MYO19: variants seen among roughly 807,000 people sequenced by gnomAD.
MYO19 encodes unconventional myosin-XIX.
MYO19 carries 132 observed loss-of-function variants against 129.2 expected under a neutral mutation model. The observed-to-expected ratio is 1.02, with a 90% CI of 0.89 to 1.18. MYO19 has a LOEUF of 1.18. MYO19 is among the 50% of genes most tolerant of loss of function. The pLI, the probability that MYO19 is intolerant of heterozygous loss-of-function variation, is 0.00. For synonymous variants in MYO19, 531 were observed against 477.2 expected (o/e 1.11, Z -1.47); for missense variants, 1,210 against 1,216.7 (o/e 0.99, Z 0.08).
At chr17:36,497,231 G>A (rs1467019736) in intron 25 of MYO19, among the ~76,000 whole-genome samples, 2 of 151,728 alleles carry the variant, frequency 1.3e-5, no homozygotes, top group African/African-American at 4.8e-5. Flanking sequence ...CCAGCTATTC[G>A]GGAGGCTGAG....
Position 36,513,526 on chromosome 17 carries a change from G to A in MYO19, c.818-21C>T, listed in dbSNP as rs370001960. 2.5e-5 allele frequency: 40 copies of A among 1,613,702 alleles called. No homozygotes were observed. The Admixed American group carries it at 4.5e-4, about 18-fold the overall frequency. ...ATCCTCTGAAAAAGAATCCAAGTTC[G>A]GGGCAGAGGTCAGCAGCAGCAAGAT... On this transcript the variant is annotated intron_variant, in intron 10 of 25. Transcript: ENST00000614623.
chr17:36,530,200 T>C (rs1248804992), intron 3 of MYO19, among the ~76,000 whole-genome samples: 2 of 152,186 alleles, frequency 1.3e-5, no homozygotes, highest in Non-Finnish European at 2.9e-5. Flanking sequence ...TAACCCCAGC[T>C]ATTCTAGAGG....
intron 20 of MYO19, 119 bp from the exon 21 acceptor site, chr17:36,503,319 C>A (rs1458437522): frequency 2.5e-6 from 2 of 793,118 alleles, no homozygotes; most frequent in African/African-American, 1.7e-5. Context: ...CGGTGCTGCC[C>A]TCCCCGAGTA....
chr17:36,527,569 A>G lies in MYO19; in HGVS notation c.282T>C (p.His94=). The change falls in exon 5 of 26, where the codon CAT becomes CAC. Residue 94 remains histidine (H), a synonymous_variant. Coordinates refer to ENST00000614623, the MANE Select transcript of MYO19 (RefSeq NM_001163735.2). ...GCCTTACCTGGGGCTGAGGCGCAGC[A>G]TGGTACTCTCTCATTAGCTCGGGCG... is the stretch of plus-strand genomic sequence containing the variant. ...LYSPELMREY[H]AAPQPQKLKP... is the part of the protein sequence containing the mutation. The G allele has an allele frequency of 6.2e-7, 1 of 1,613,916 alleles. No homozygotes were observed. Among genetic ancestry groups the G allele is most frequent in the Non-Finnish European group, 8.5e-7 (1 of 1,179,846 alleles).
chr17:36,543,390 A>C (rs2142637993), exon 1 of MYO19: 1 of 152,276 alleles, frequency 6.6e-6, no homozygotes, highest in Admixed American at 6.5e-5. Context: ...CCTGACCTCA[A>C]GTAATCCACC....
At chr17:36,511,800 GC>G (rs2142038366) in intron 11 of MYO19, among the ~76,000 whole-genome samples, 1 of 152,252 alleles carries the variant, frequency 6.6e-6, no homozygotes, top group East Asian at 1.9e-4. Context: ...CTACATTTCT[GC>G]CCCCTGCTCT....
chr17:36,540,918 GAGGAGTA>G (rs2074194216), intron 2 of MYO19, among the ~76,000 whole-genome samples: 2 of 152,170 alleles, frequency 1.3e-5, no homozygotes, highest in African/African-American at 4.8e-5. Flanking sequence ...ATAACAAAGT[GAGGAGTA>G]AGAAGAACAT....
intron 18 of MYO19, among the ~76,000 whole-genome samples, chr17:36,505,798 T>C (rs1365603336): frequency 6.6e-6 from 1 of 152,246 alleles, no homozygotes; most frequent in Admixed American, 6.5e-5. Context: ...TGTTGGAGGC[T>C]GTGCCACAGG....
In MYO19 at chr17:36,507,429, G is replaced by A. The variant is rs370889247; in HGVS notation, c.1437C>T (p.Ser479=). Residue 479 remains serine, a synonymous_variant, in exon 16 of 26, where the codon AGC becomes AGT. Coordinates refer to ENST00000614623, the MANE Select transcript of MYO19 (RefSeq NM_001163735.2). ...TTATGAGGGAGCAGATGCTGATGGGGCTTCCCTCAATGAGATCCAAACAGG... is the reference window on the plus strand; with the variant it reads ...TTATGAGGGAGCAGATGCTGATGGGACTTCCCTCAATGAGATCCAAACAGG... ...NQPCLDLIEG[S]PISICSLINE... 3.9e-5 allele frequency: 63 copies of A among 1,613,638 alleles called. 1 individual carries two copies. In the African/African-American group the frequency reaches 7.7e-4, roughly 20 times the overall value.
chr17:36,531,123 G>C (rs549064806), intron 3 of MYO19, among the ~76,000 whole-genome samples: 5 of 151,748 alleles, frequency 3.3e-5, no homozygotes, highest in South Asian at 2.1e-4. Flanking sequence ...GGCTGGGCGC[G>C]GTGGCTCACG....
At position 36,513,600 on chromosome 17, in the gene MYO19, C is replaced by T. The variant is rs73276787; in HGVS notation, c.817+29G>A. 4.8e-4 allele frequency: 768 copies of T among 1,613,718 alleles called. 5 individuals are homozygous for T. The African/African-American group carries it at 9.1e-3, about 19-fold the overall frequency. Reference sequence around the variant, plus strand: ...GAGTGGGTGGGTGATGCTGGGTCAGCGCAAGGTGCTGGATGGGGCTCCCCT... The same window carrying T: ...GAGTGGGTGGGTGATGCTGGGTCAGTGCAAGGTGCTGGATGGGGCTCCCCT... On this transcript the variant is annotated intron_variant, in intron 10 of 25. Transcript: ENST00000614623.
chr17:36,507,139 C>A lies in MYO19; in HGVS notation c.1468G>T (p.Glu490Ter). The change falls in exon 17 of 26, where the codon GAA becomes TAA. Residue 490 changes from glutamate to a stop codon, truncating the protein, a stop_gained and splice_region_variant. Coordinates refer to ENST00000614623, the MANE Select transcript of MYO19 (RefSeq NM_001163735.2). LOFTEE classifies it high-confidence loss of function. ...PISICSLINE[E>*]CRLNRPSSAA... ...CTGCTGGGTCGATTGAGGCGGCATT[C>A]CTGTGGGATGGGAACAGGGGGTCAG... 6.3e-7 allele frequency: 1 copy of A among 1,599,174 alleles called. No homozygotes were observed. Among genetic ancestry groups the A allele is most frequent in the Non-Finnish European group, 8.6e-7 (1 of 1,168,758 alleles).
At chr17:36,511,570 G>A (rs1041843520) in intron 11 of MYO19, 115 bp from the exon 12 acceptor site, 24 of 877,578 alleles carry the variant, frequency 2.7e-5, no homozygotes, top group African/African-American at 5.6e-5. Context: ...TCCCAATCAT[G>A]GCCCAAGTGC....
chr17:36,497,708 C>T (rs1302064600), intron 25 of MYO19: 1 of 233,302 alleles, frequency 4.3e-6, no homozygotes, highest in African/African-American at 2.3e-5. Context: ...CCTCAGCCTC[C>T]CGAGCAGCTG....
chr17:36,497,986 A>G (rs2071155606), intron 25 of MYO19: 1 of 447,372 alleles, frequency 2.2e-6, no homozygotes, highest in South Asian at 4.0e-5. Flanking sequence ...GCTTGCTAGA[A>G]ACGCAGCATT....
Position 36,518,799 on chromosome 17 carries a change from CAGAT to C in MYO19, c.415-2813_415-2810del, listed in dbSNP as rs1205156824. ...AGGCATAGTGAGATAGATAGATAGACAGATAGATAGATTTTTTTTCTTTATAGTA... is the reference window on the plus strand; with the variant it reads ...AGGCATAGTGAGATAGATAGATAGACAGATAGATTTTTTTTCTTTATAGTA... On this transcript the variant is annotated intron_variant, in intron 6 of 25. Transcript: ENST00000614623. Among the ~76,000 whole-genome samples, 156 of 151,208 alleles carry C rather than the reference CAGAT, an allele frequency of 1.0e-3. 1 individual carries two copies. The highest frequency in any genetic ancestry group is 8.1e-3 in the South Asian group (39 of 4,808).
In MYO19 at chr17:36,495,668, G is replaced by A; in HGVS notation, c.*583C>T. The A allele has an allele frequency of 1.6e-6, 2 of 1,279,996 alleles. No individual in the cohort carries two copies. The highest frequency in any genetic ancestry group is 2.0e-6 in the Non-Finnish European group (2 of 1,016,550). 79.3% of individuals were successfully genotyped at this position (1,279,996 alleles called of 1,614,324 possible). On this transcript the variant is annotated 3_prime_UTR_variant, in exon 26 of 26. Coordinates refer to ENST00000614623, the MANE Select transcript of MYO19 (RefSeq NM_001163735.2). ...TAAATGTTTTACTTTTGGTACAGTTGATAGACATCATAAACGATATCAAGC... is the reference window on the plus strand; with the variant it reads ...TAAATGTTTTACTTTTGGTACAGTTAATAGACATCATAAACGATATCAAGC...
In MYO19 at chr17:36,505,312, G is replaced by C. The variant is rs371268555; in HGVS notation, c.1890C>G (p.Thr630=). Residue 630 remains threonine (T), a synonymous_variant, in exon 19 of 26, where the codon ACC becomes ACG. Coordinates refer to ENST00000614623, the MANE Select transcript of MYO19 (RefSeq NM_001163735.2). The part of the protein sequence containing the change: ...IKPNSQGQAQ[T]FLQEEVLSQL... ...TGTTAATTACCTCCTCTTGGAGAAAGGTCTGCGCCTGGCCCTGGCTGTTGG... is the reference window on the plus strand; with the variant it reads ...TGTTAATTACCTCCTCTTGGAGAAACGTCTGCGCCTGGCCCTGGCTGTTGG... 6.2e-7 allele frequency: 1 copy of C among 1,614,242 alleles called. No individual in the cohort carries two copies. Among genetic ancestry groups the C allele is most frequent in the Non-Finnish European group, 8.5e-7 (1 of 1,180,030 alleles).
chr17:36,513,757 G>C lies in MYO19; in HGVS notation c.721-32C>G, dbSNP rs1332390492. The stretch of plus-strand genomic sequence containing the variant: ...AGAAGGGTAGGTGGGAGGCTGGGTA[G>C]GGGGTCTGAGAAAAGCCCAGGCCTG... On this transcript the variant is annotated intron_variant, in intron 9 of 25. Coordinates refer to ENST00000614623, the MANE Select transcript of MYO19 (RefSeq NM_001163735.2). The C allele has an allele frequency of 3.8e-6, 6 of 1,595,552 alleles. No homozygotes were observed. The African/African-American group carries it at 8.0e-5, about 21-fold the overall frequency.
Sources: gnomAD v4.1 joint callset for allele counts (sites outside exome capture counted in the v4.1 genomes callset) on GRCh38, gnomAD v4.1.1 for gene constraint, MANE v1.5 for transcripts, NCBI Gene and HGNC (gene_info 2026-07-23, HGNC 2026-07-21) for gene names.